MSRA: variants seen among roughly 807,000 people sequenced by gnomAD.
The protein encoded by MSRA is methionine sulfoxide reductase A, also known as mitochondrial peptide methionine sulfoxide reductase.
A neutral mutation model predicts 31.3 loss-of-function variants in MSRA; 54 were observed. The observed-to-expected ratio is 1.73, with a 90% CI of 1.39 to 2.17. The LOEUF is 2.17. MSRA is among the 30% of genes most tolerant of loss of function. The pLI, the probability that MSRA is intolerant of heterozygous loss-of-function variation, is 0.00. For missense variants in MSRA, 507 were observed against 300.9 expected, an observed-to-expected ratio of 1.69 and a Z score of -5.07; for synonymous variants, 169 against 116.5, an observed-to-expected ratio of 1.45 and a Z score of -2.90.
intron 5 of MSRA, among the ~76,000 whole-genome samples, chr8:10,334,627 C>T (rs1229289512): frequency 6.6e-6 from 1 of 152,186 alleles, no homozygotes; most frequent in Non-Finnish European, 1.5e-5. Context: ...GCCACCGAGG[C>T]AATGTTCATT....
intron 2 of MSRA, among the ~76,000 whole-genome samples, chr8:10,222,855 A>G (rs945820148): frequency 6.6e-6 from 1 of 152,226 alleles, no homozygotes; most frequent in Non-Finnish European, 1.5e-5. Context: ...GTCGAAGGGT[A>G]CAAAGTTTCA....
At chr8:10,339,742 C>T (rs905430193) in intron 5 of MSRA, among the ~76,000 whole-genome samples, 3 of 151,142 alleles carry the variant, frequency 2.0e-5, no homozygotes, top group East Asian at 1.9e-4. Context: ...GGGGTTTCAC[C>T]GTGTTAGCCA....
intron 4 of MSRA, among the ~76,000 whole-genome samples, chr8:10,312,023 G>A (rs989416926): frequency 6.6e-6 from 1 of 152,152 alleles, no homozygotes; most frequent in Non-Finnish European, 1.5e-5. Context: ...AAAATCGATA[G>A]GGCATAGGTA....
At chr8:10,294,165 C>T (rs905055635) in intron 3 of MSRA, among the ~76,000 whole-genome samples, 1 of 152,186 alleles carries the variant, frequency 6.6e-6, no homozygotes, top group Non-Finnish European at 1.5e-5. Flanking sequence ...TGCACCACTG[C>T]ACTCCAGCCT....
At chr8:10,283,586 C>G (rs1479268720) in intron 3 of MSRA, among the ~76,000 whole-genome samples, 1 of 151,108 alleles carries the variant, frequency 6.6e-6, no homozygotes, top group Non-Finnish European at 1.5e-5. Flanking sequence ...TATCTCTCAC[C>G]CCCTTCCTCC....
intron 5 of MSRA, among the ~76,000 whole-genome samples, chr8:10,345,617 A>G (rs543651190): frequency 6.6e-6 from 1 of 152,366 alleles, no homozygotes; most frequent in South Asian, 2.1e-4. Flanking sequence ...AATAATTATG[A>G]AGAATTCTAA....
intron 5 of MSRA, among the ~76,000 whole-genome samples, chr8:10,394,864 A>T (rs1381063889): frequency 6.6e-6 from 1 of 152,236 alleles, no homozygotes; most frequent in East Asian, 1.9e-4. Context: ...TTCTTTCAAG[A>T]TTGTCCATGC....
At chr8:10,227,203 C>T (rs916766353) in intron 2 of MSRA, among the ~76,000 whole-genome samples, 2 of 152,078 alleles carry the variant, frequency 1.3e-5, no homozygotes, top group African/African-American at 2.4e-5. Flanking sequence ...CGACGAGGCC[C>T]GTGGAGTTAC....
At chr8:10,319,355 C>G (rs560088091) in intron 4 of MSRA, among the ~76,000 whole-genome samples, 46 of 152,212 alleles carry the variant, frequency 3.0e-4, no homozygotes, top group Non-Finnish European at 2.2e-4. Flanking sequence ...GCAGAAAATG[C>G]TCTTTGCTGA....
At chr8:10,402,194 A>T (rs1426483516) in intron 5 of MSRA, among the ~76,000 whole-genome samples, 1 of 152,152 alleles carries the variant, frequency 6.6e-6, no homozygotes, top group East Asian at 1.9e-4. Flanking sequence ...GATGCCTGTC[A>T]CCCAGGGATT....
At chr8:10,240,171 C>T (rs1812285414) in intron 2 of MSRA, among the ~76,000 whole-genome samples, 1 of 152,162 alleles carries the variant, frequency 6.6e-6, no homozygotes, top group Non-Finnish European at 1.5e-5. Flanking sequence ...ACATCACTGG[C>T]CCTTTCAGCA....
Position 10,054,313 on chromosome 8 carries a change from C to A in MSRA, c.-204C>A, listed in dbSNP as rs1388639345. 7.7e-6 allele frequency: 3 copies of A among 388,096 alleles called. No individual in the cohort carries two copies. Among genetic ancestry groups the A allele is most frequent in the Non-Finnish European group, 1.3e-5 (3 of 228,976 alleles). 24.0% of individuals were successfully genotyped at this position (388,096 alleles called of 1,614,324 possible). A position where few individuals can be genotyped will look rare whatever the true frequency, so the allele number is the denominator to read the frequency against. ...CCCTGTCCAGGGAAGGAACACGCCC[C>A]CGGTGACAGCCGGTACGGCCCCGGG... On this transcript the variant is annotated 5_prime_UTR_variant, in exon 1 of 6. Transcript: ENST00000317173.
At chr8:10,206,417 G>C (rs1237583374) in intron 1 of MSRA, among the ~76,000 whole-genome samples, 1 of 152,130 alleles carries the variant, frequency 6.6e-6, no homozygotes. Flanking sequence ...CTTTTTGCTT[G>C]TAGGAATGCC....
At chr8:10,078,591 A>C (rs1044961308) in intron 1 of MSRA, among the ~76,000 whole-genome samples, 1 of 152,202 alleles carries the variant, frequency 6.6e-6, no homozygotes, top group Non-Finnish European at 1.5e-5. Flanking sequence ...AAACTGTGAA[A>C]GTGTAGGGCT....
At chr8:10,353,119 GACAGGCGTGTGC>G (rs1804286952) in intron 5 of MSRA, among the ~76,000 whole-genome samples, 2 of 152,176 alleles carry the variant, frequency 1.3e-5, no homozygotes, top group East Asian at 3.9e-4. Context: ...CTGAGCCACA[GACAGGCGTGTGC>G]ACACACACAC....
intron 1 of MSRA, among the ~76,000 whole-genome samples, chr8:10,145,838 G>C (rs549715596): frequency 6.6e-6 from 1 of 152,192 alleles, no homozygotes; most frequent in Non-Finnish European, 1.5e-5. Flanking sequence ...GTGTGTGTGT[G>C]TGTGTAATGA....
At chr8:10,067,736 T>C (rs1306123338) in intron 1 of MSRA, among the ~76,000 whole-genome samples, 1 of 152,176 alleles carries the variant, frequency 6.6e-6, no homozygotes, top group Non-Finnish European at 1.5e-5. Context: ...TGGGATCTCA[T>C]TGTTTTAATT....
chr8:10,410,990 C>G (rs766070873), intron 5 of MSRA: 19 of 151,496 alleles, frequency 1.3e-4, no homozygotes, highest in Non-Finnish European at 7.3e-5. Flanking sequence ...CTTTCTCCCT[C>G]CCTCCTTCTC....
Position 10,195,404 on chromosome 8 carries a change from C to G in MSRA, c.143-12429C>G, listed in dbSNP as rs185684276. Among the ~76,000 whole-genome samples the G allele has an allele frequency of 1.3e-3, 196 of 152,300 alleles. 1 individual carries two copies. Among genetic ancestry groups the G allele is most frequent in the African/African-American group, 4.4e-3 (182 of 41,566 alleles). On this transcript the variant is annotated intron_variant, in intron 1 of 5. Transcript: ENST00000317173. Reference sequence around the variant, plus strand: ...TACAGGCACATGCCACCACGCCAGGCTAATTTTTTGTATTTTAGCAGAGAT... The same window carrying G: ...TACAGGCACATGCCACCACGCCAGGGTAATTTTTTGTATTTTAGCAGAGAT...
Sources: allele counts gnomAD v4.1 joint callset (sites outside exome capture counted in the v4.1 genomes callset), GRCh38; gene constraint gnomAD v4.1.1; transcripts MANE v1.5; gene names NCBI Gene and HGNC (gene_info 2026-07-23, HGNC 2026-07-21).